ZC2HC1B: variants seen among roughly 807,000 people sequenced by gnomAD.
The protein encoded by ZC2HC1B is zinc finger C2HC domain-containing protein 1B.
A neutral mutation model predicts 31.0 loss-of-function variants in ZC2HC1B; 36 were observed. The ratio of observed to expected loss-of-function variants is 1.16; its 90% CI spans 0.89 to 1.54. ZC2HC1B has a LOEUF of 1.54. Ranked by LOEUF, ZC2HC1B falls within the 40% of genes most tolerant of loss-of-function variation. The pLI is 0.00. For missense variants in ZC2HC1B, 260 were observed against 268.6 expected (o/e 0.97, Z 0.22); for synonymous variants, 73 against 88.0 (o/e 0.83, Z 0.95).
rs1201673490 is a variant in ZC2HC1B, at chr6:143,869,727, C to T, written c.28+5160C>T. 2.6e-5 allele frequency among the ~76,000 whole-genome samples: 4 copies of T among 152,184 alleles called. No homozygotes were observed. The highest frequency in any genetic ancestry group is 6.5e-5 in the Admixed American group (1 of 15,282). ...ATCACCCTGAGAAGTGGTGCCATAT[C>T]GAGGTCTCAGTGTTGGTCTCTGCTG... On this transcript the variant is annotated intron_variant, in intron 1 of 7. Transcript: ENST00000237275. This position sits in a 1 kb window ranked among gnomAD's most constrained non-coding sequence, Gnocchi z 5.2.
In ZC2HC1B at chr6:143,885,610, C is replaced by T. The variant is rs186462035; in HGVS notation, c.91-422C>T. Among the ~76,000 whole-genome samples, 9 of 152,212 alleles carry T rather than the reference C, an allele frequency of 5.9e-5. No homozygotes were observed. The highest frequency in any genetic ancestry group is 4.1e-4 in the South Asian group (2 of 4,826). On this transcript the variant is annotated intron_variant, in intron 2 of 7. Transcript: ENST00000237275. The surrounding 1 kb of genome is among the most constrained non-coding windows in gnomAD (Gnocchi z 4.2). ...ATGGTTATTATGTGTCACACATCCACGAAGGGAGAGGGCCAAGGTCCCATA... is the reference window on the plus strand; with the variant it reads ...ATGGTTATTATGTGTCACACATCCATGAAGGGAGAGGGCCAAGGTCCCATA...
At chr6:143,874,199 C>T (rs924594049) in intron 1 of ZC2HC1B, among the ~76,000 whole-genome samples, 4 of 152,148 alleles carry the variant, frequency 2.6e-5, no homozygotes, top group African/African-American at 9.7e-5. Flanking sequence ...TAACAAGAGT[C>T]ACCCTTGCTT....
rs1352031368 is a variant in ZC2HC1B at position 143,905,849 on chromosome 6, G to A, written c.598+2697G>A. On this transcript the variant is annotated intron_variant, in intron 6 of 7. Coordinates refer to ENST00000237275, the MANE Select transcript of ZC2HC1B (RefSeq NM_001013623.3). This position sits in a 1 kb window ranked among gnomAD's most constrained non-coding sequence, Gnocchi z 4.2. The stretch of plus-strand genomic sequence containing the variant: ...TTGTCCTTTATTCTGTAAATGTAGT[G>A]TACATTGATCGATTTTCATGTGTTG... Among the ~76,000 whole-genome samples, 1 of 152,072 alleles carries A rather than the reference G, an allele frequency of 6.6e-6. No homozygotes were observed. The highest frequency in any genetic ancestry group is 1.5e-5 in the Non-Finnish European group (1 of 68,012).
Position 143,921,181 on chromosome 6 carries a change from A to G in ZC2HC1B, c.599-16468A>G, listed in dbSNP as rs1472446019. 6.6e-6 allele frequency among the ~76,000 whole-genome samples: 1 copy of G among 152,150 alleles called. No homozygotes were observed. Among genetic ancestry groups the G allele is most frequent in the Non-Finnish European group, 1.5e-5 (1 of 68,028 alleles). The stretch of plus-strand genomic sequence containing the variant: ...CACTGCTCACTCATTCACTTCCTTC[A>G]GTTCTTTGCTAAAGTGTCGCCTCAG... On this transcript the variant is annotated intron_variant, in intron 6 of 7. Coordinates refer to ENST00000237275, the MANE Select transcript of ZC2HC1B (RefSeq NM_001013623.3). The surrounding 1 kb of genome is among the most constrained non-coding windows in gnomAD (Gnocchi z 6.1).
chr6:143,904,048 G>A (rs988380733), intron 6 of ZC2HC1B, among the ~76,000 whole-genome samples: 1 of 152,126 alleles, frequency 6.6e-6, no homozygotes, highest in Non-Finnish European at 1.5e-5. Context: ...GGGATGAGGT[G>A]GTATCTCATT....
intron 5 of ZC2HC1B, among the ~76,000 whole-genome samples, chr6:143,900,946 C>A (rs1289776235): frequency 6.6e-6 from 1 of 151,926 alleles, no homozygotes; most frequent in Admixed American, 6.6e-5. Flanking sequence ...TCAAGCGATT[C>A]TCCGGCCTCA....
intron 6 of ZC2HC1B, among the ~76,000 whole-genome samples, chr6:143,930,782 G>A (rs1018757478): frequency 6.6e-6 from 1 of 152,170 alleles, no homozygotes; most frequent in Non-Finnish European, 1.5e-5. Context: ...GGCTTATTTT[G>A]TTGCATAACA....
intron 1 of ZC2HC1B, among the ~76,000 whole-genome samples, chr6:143,874,595 A>C (rs1051487065): frequency 6.6e-6 from 1 of 152,192 alleles, no homozygotes; most frequent in South Asian, 2.1e-4. Context: ...CATTTCTTAC[A>C]TGGTGGCAGC....
intron 4 of ZC2HC1B, among the ~76,000 whole-genome samples, chr6:143,890,616 A>G (rs976436677): frequency 6.6e-6 from 1 of 152,214 alleles, no homozygotes; most frequent in Non-Finnish European, 1.5e-5. Flanking sequence ...CAAGAAATGA[A>G]TTAAAATATT....
chr6:143,882,332 T>TATATA (rs1554237224), intron 1 of ZC2HC1B, among the ~76,000 whole-genome samples: 166 of 67,338 alleles, frequency 2.5e-3, no homozygotes, highest in Middle Eastern at 7.2e-3. Context: ...ATTTTATATT[T>TATATA]TTTATATATA....
rs983901216 is a variant in ZC2HC1B, at chr6:143,885,198, T to C, written c.90+833T>C. On this transcript the variant is annotated intron_variant, in intron 2 of 7. Transcript: ENST00000237275. This position sits in a 1 kb window ranked among gnomAD's most constrained non-coding sequence, Gnocchi z 4.2. ...AATGAGGTTGTAGGTTTTATTTTTC[T>C]GGAGAATTTAAAAAATGAAATAGCT... 3.9e-4 allele frequency among the ~76,000 whole-genome samples: 60 copies of C among 152,208 alleles called. No homozygotes were observed. Among genetic ancestry groups the C allele is most frequent in the Admixed American group, 1.3e-4 (2 of 15,276 alleles).
Position 143,919,433 on chromosome 6 carries a change from A to C in ZC2HC1B, c.598+16281A>C, listed in dbSNP as rs189445002. 8.5e-5 allele frequency among the ~76,000 whole-genome samples: 13 copies of C among 152,276 alleles called. No homozygotes were observed. The East Asian group carries it at 1.7e-3, about 20-fold the overall frequency. ...TAGTTTTTAATGTCTAGTTTCCAAA[A>C]GGGAGAAAAGACAAAAATAAAAGGA... On this transcript the variant is annotated intron_variant, in intron 6 of 7. Coordinates refer to ENST00000237275, the MANE Select transcript of ZC2HC1B (RefSeq NM_001013623.3).
chr6:143,902,037 G>A (rs1314523402), intron 5 of ZC2HC1B, among the ~76,000 whole-genome samples: 1 of 152,192 alleles, frequency 6.6e-6, no homozygotes, highest in African/African-American at 2.4e-5. Flanking sequence ...GGCTGTCAGT[G>A]TAACCAGTGA....
At position 143,869,930 on chromosome 6, in the gene ZC2HC1B, G is replaced by A. The variant is rs935249460; in HGVS notation, c.28+5363G>A. 9.9e-5 allele frequency among the ~76,000 whole-genome samples: 15 copies of A among 152,274 alleles called. No homozygotes were observed. The highest frequency in any genetic ancestry group is 3.6e-4 in the African/African-American group (15 of 41,552). On this transcript the variant is annotated intron_variant, in intron 1 of 7. Coordinates refer to ENST00000237275, the MANE Select transcript of ZC2HC1B (RefSeq NM_001013623.3). The surrounding 1 kb of genome is among the most constrained non-coding windows in gnomAD (Gnocchi z 5.2). Reference sequence around the variant, plus strand: ...GAGGCTGAGTGGTGTCCACAGAACGGGTCATCCTATCCACTTGATTATTAA... The same window carrying A: ...GAGGCTGAGTGGTGTCCACAGAACGAGTCATCCTATCCACTTGATTATTAA...
Position 143,921,476 on chromosome 6 carries a change from G to A in ZC2HC1B, c.599-16173G>A, listed in dbSNP as rs571998486. ...TAAATACTTGTTGAATGAAATGTAT[G>A]AGGAGAAGTGGAAATCTTGATTCTA... On this transcript the variant is annotated intron_variant, in intron 6 of 7. Coordinates refer to ENST00000237275, the MANE Select transcript of ZC2HC1B (RefSeq NM_001013623.3). This position sits in a 1 kb window ranked among gnomAD's most constrained non-coding sequence, Gnocchi z 6.1. 6.6e-6 allele frequency among the ~76,000 whole-genome samples: 1 copy of A among 152,310 alleles called. No homozygotes were observed. The highest frequency in any genetic ancestry group is 6.5e-5 in the Admixed American group (1 of 15,306).
In ZC2HC1B at chr6:143,913,971, T is replaced by G. The variant is rs1053527734; in HGVS notation, c.598+10819T>G. Among the ~76,000 whole-genome samples the G allele has an allele frequency of 6.6e-6, 1 of 152,252 alleles. No individual in the cohort carries two copies. The highest frequency in any genetic ancestry group is 1.5e-5 in the Non-Finnish European group (1 of 68,044). On this transcript the variant is annotated intron_variant, in intron 6 of 7. Transcript: ENST00000237275. This position sits in a 1 kb window ranked among gnomAD's most constrained non-coding sequence, Gnocchi z 5.7. ...GTGAGTGCTGTGGACCACAGCTGCT[T>G]CTAATCGGCCATCTTGGCCCCTCTC...
Position 143,886,688 on chromosome 6 carries a change from A to C in ZC2HC1B, c.216A>C (p.Pro72=). The part of the protein sequence containing the change: ...TVKKTPQSKS[P]PVRKSNWRQQ... ...GTTGGTTTTATTTTTTACAGTCTCC[A>C]CCTGTGAGGAAGTCTAACTGGAGAC... Residue 72 remains proline (P), a synonymous_variant, in exon 4 of 8, where the codon CCA becomes CCC. Coordinates refer to ENST00000237275, the MANE Select transcript of ZC2HC1B (RefSeq NM_001013623.3). The surrounding 1 kb of genome is among the most constrained non-coding windows in gnomAD (Gnocchi z 4.2). 1 of 1,539,638 alleles carries C rather than the reference A, an allele frequency of 6.5e-7. No individual in the cohort carries two copies. The highest frequency in any genetic ancestry group is 1.2e-5 in the South Asian group (1 of 82,318).
At chr6:143,873,934 C>A (rs1032895944) in intron 1 of ZC2HC1B, among the ~76,000 whole-genome samples, 2 of 152,230 alleles carry the variant, frequency 1.3e-5, no homozygotes, top group Non-Finnish European at 2.9e-5. Flanking sequence ...ATGCAAATTT[C>A]TGCAGCTGGC....
chr6:143,879,955 A>G (rs1370812152), intron 1 of ZC2HC1B, among the ~76,000 whole-genome samples: 1 of 151,238 alleles, frequency 6.6e-6, no homozygotes. Flanking sequence ...CTCCTGAGTA[A>G]CTGGGACCAC....
Sources: gnomAD v4.1 joint callset for allele counts (sites outside exome capture counted in the v4.1 genomes callset) on GRCh38, gnomAD v4.1.1 for gene constraint, Gnocchi (gnomAD v3.1) non-coding constraint, MANE v1.5 for transcripts, NCBI Gene and HGNC (gene_info 2026-07-23, HGNC 2026-07-21) for gene names.